Variants in GPM6A observed in about 807,000 individuals in gnomAD.
GPM6A encodes glycoprotein M6A.
A neutral mutation model predicts 32.1 loss-of-function variants in GPM6A; 7 were observed. That is an observed-to-expected ratio of 0.22 (90% CI 0.12 to 0.41). The LOEUF is 0.41. Ranked by LOEUF, GPM6A falls within the 10% of genes least tolerant of loss-of-function variation. The probability of loss-of-function intolerance (pLI) is 1.00; values close to 1 mark genes in which losing one functional copy is unlikely to be tolerated. For missense variants in GPM6A, 235 were observed against 347.2 expected, an observed-to-expected ratio of 0.68 and a Z score of 2.57; for synonymous variants, 130 against 123.4, an observed-to-expected ratio of 1.05 and a Z score of -0.35.
intron 2 of GPM6A, among the ~76,000 whole-genome samples, chr4:175,684,134 T>A (rs1743841108): frequency 6.6e-6 from 1 of 152,128 alleles, no homozygotes; most frequent in South Asian, 2.1e-4. Flanking sequence ...CGGCCTTACA[T>A]TTTTTAATAT....
chr4:175,642,535 C>A (rs1261581154), intron 4 of GPM6A, among the ~76,000 whole-genome samples: 1 of 152,120 alleles, frequency 6.6e-6, no homozygotes, highest in East Asian at 1.9e-4. Flanking sequence ...CAGTTTTCAT[C>A]TTCTTGCAAG....
At chr4:176,000,326 T>G (rs1741437934) in intron 1 of GPM6A, among the ~76,000 whole-genome samples, 1 of 152,168 alleles carries the variant, frequency 6.6e-6, no homozygotes, top group African/African-American at 2.4e-5. Flanking sequence ...GAAAGAGAAC[T>G]TCTAAGAGTT....
intron 1 of GPM6A, among the ~76,000 whole-genome samples, chr4:175,922,867 C>T (rs996115824): frequency 6.6e-6 from 1 of 152,032 alleles, no homozygotes; most frequent in African/African-American, 2.4e-5. Context: ...TTTTCTTTTC[C>T]TATCTTTTCT....
At chr4:175,937,573 C>T (rs1739280083) in intron 1 of GPM6A, among the ~76,000 whole-genome samples, 1 of 151,958 alleles carries the variant, frequency 6.6e-6, no homozygotes, top group African/African-American at 2.4e-5. Context: ...AATGAATGAA[C>T]AAGTCAATGA....
At chr4:175,721,148 A>AATATATATATATATAT (rs3032644) in intron 1 of GPM6A, among the ~76,000 whole-genome samples, 6,390 of 134,814 alleles carry the variant, frequency 0.047, 208 homozygotes, top group Non-Finnish European at 0.078. Context: ...TATATATTCT[A>AATATATATATATATAT]ATATATATAT....
chr4:175,640,525 A>G (rs1741081299), intron 5 of GPM6A, among the ~76,000 whole-genome samples: 1 of 152,196 alleles, frequency 6.6e-6, no homozygotes, highest in Non-Finnish European at 1.5e-5. Context: ...CTTCATTAAA[A>G]TGAGTTTCCA....
At chr4:175,824,491 C>T (rs1735373006) in intron 1 of GPM6A, among the ~76,000 whole-genome samples, 1 of 152,168 alleles carries the variant, frequency 6.6e-6, no homozygotes, top group African/African-American at 2.4e-5. Flanking sequence ...TCCTGAATTT[C>T]AATATCATTT....
chr4:175,815,880 G>A (rs1477771489), upstream of GPM6A, among the ~76,000 whole-genome samples: 1 of 151,986 alleles, frequency 6.6e-6, no homozygotes, highest in African/African-American at 2.4e-5. Context: ...ACCATGCCCA[G>A]TTAATTTTGT....
In GPM6A at chr4:175,786,214, A is replaced by G. The variant is rs937815846; in HGVS notation, c.37+25977T>C. ...TACTGGGACACTACAAACACCATGA[A>G]TTGAGAATGTTTAAAATCTCAGGTA... On this transcript the variant is annotated intron_variant, in intron 1 of 6. Coordinates refer to ENST00000393658, the MANE Select transcript of GPM6A (RefSeq NM_201591.3). Among the ~76,000 whole-genome samples, 34 of 152,060 alleles carry G rather than the reference A, an allele frequency of 2.2e-4. 1 individual carries two copies. Among genetic ancestry groups the G allele is most frequent in the Admixed American group, 2.2e-3 (34 of 15,254 alleles).
chr4:175,963,055 G>T (rs1199981261), intron 1 of GPM6A, among the ~76,000 whole-genome samples: 2 of 151,312 alleles, frequency 1.3e-5, no homozygotes, highest in Non-Finnish European at 2.9e-5. Context: ...TCAATAGATT[G>T]AATAGAGGCA....
Position 175,844,790 on chromosome 4 carries a change from T to C in GPM6A, c.-22-32541A>G, listed in dbSNP as rs143553252. Among the ~76,000 whole-genome samples the C allele has an allele frequency of 1.6e-3, 247 of 152,282 alleles. 4 individuals are homozygous for C. In the East Asian group the frequency reaches 0.043, roughly 27 times the overall value. On this transcript the variant is annotated intron_variant, in intron 1 of 7. Transcript: ENST00000280187. ...CTTAGCTTTCTTTTAAATAATTATG[T>C]CAGATTTCCTTATCACTGTCAAGAT...
intron 1 of GPM6A, among the ~76,000 whole-genome samples, chr4:175,898,752 C>T (rs908802922): frequency 3.9e-5 from 6 of 152,126 alleles, no homozygotes; most frequent in Non-Finnish European, 7.4e-5. Flanking sequence ...TCTATTCTCT[C>T]CCTTCTGACA....
intron 4 of GPM6A, among the ~76,000 whole-genome samples, chr4:175,648,472 G>A (rs1399942724): frequency 6.6e-6 from 1 of 152,154 alleles, no homozygotes; most frequent in South Asian, 2.1e-4. Context: ...AAAACAGTAA[G>A]CAGTTTGGGA....
rs143912835 is a variant in GPM6A, at chr4:175,723,620, T to C, written c.38-21853A>G. ...AACTCATAAACTTACTGTGTTTCAA[T>C]TCTTTATTACCTAAATTAAGAAACA... is the stretch of plus-strand genomic sequence containing the variant. On this transcript the variant is annotated intron_variant, in intron 1 of 6. Transcript: ENST00000393658. Among the ~76,000 whole-genome samples, 913 of 152,240 alleles carry C rather than the reference T, an allele frequency of 6.0e-3. 9 individuals are homozygous for C. The highest frequency in any genetic ancestry group is 0.02 in the Middle Eastern group (6 of 294).
chr4:175,785,037 G>C (rs571153197), intron 1 of GPM6A, among the ~76,000 whole-genome samples: 1 of 152,146 alleles, frequency 6.6e-6, no homozygotes, highest in Non-Finnish European at 1.5e-5. Context: ...CCTCCTTGAA[G>C]CTGGGCTAGC....
At chr4:175,675,346 C>T (rs1409250531) in intron 2 of GPM6A, among the ~76,000 whole-genome samples, 1 of 151,704 alleles carries the variant, frequency 6.6e-6, no homozygotes, top group African/African-American at 2.4e-5. Flanking sequence ...GTGGCAATAA[C>T]ACCAACTGAA....
chr4:175,811,290 GTAT>G (rs1734908411), intron 1 of GPM6A, among the ~76,000 whole-genome samples: 2 of 151,944 alleles, frequency 1.3e-5, no homozygotes, highest in South Asian at 4.2e-4. Context: ...CCTTTATGTA[GTAT>G]TACCTGTGTT....
At chr4:175,861,864 T>A (rs1736585601) in intron 1 of GPM6A, among the ~76,000 whole-genome samples, 1 of 151,896 alleles carries the variant, frequency 6.6e-6, no homozygotes, top group African/African-American at 2.4e-5. Context: ...TTTTCCAAAT[T>A]TATAATGTAT....
chr4:175,721,148 A>AATATATATATATATATATATATATAT (rs3032644), intron 1 of GPM6A, among the ~76,000 whole-genome samples: 17 of 135,210 alleles, frequency 1.3e-4, no homozygotes, highest in Non-Finnish European at 2.7e-4. Context: ...TATATATTCT[A>AATATATATATATATATATATATATAT]ATATATATAT....
Sources: gnomAD v4.1 joint callset for allele counts (sites outside exome capture counted in the v4.1 genomes callset) on GRCh38, gnomAD v4.1.1 for gene constraint, MANE v1.5 for transcripts, NCBI Gene and HGNC (gene_info 2026-07-23, HGNC 2026-07-21) for gene names.